TENM3: variants seen among roughly 807,000 people sequenced by gnomAD.
TENM3 encodes teneurin transmembrane protein 3.
Under a neutral mutation model 255.1 loss-of-function variants are expected in TENM3, and 63 were observed. The observed-to-expected ratio is 0.25, with a 90% confidence interval of 0.20 to 0.30. The LOEUF (loss-of-function observed/expected upper bound fraction) is 0.30, where lower values mean the gene tolerates loss of function less well. TENM3 is among the 10% of genes least tolerant of loss of function. The probability of loss-of-function intolerance (pLI) is 1.00; values close to 1 mark genes in which losing one functional copy is unlikely to be tolerated. For missense variants in TENM3, 2,929 were observed against 3,461.1 expected, an observed-to-expected ratio of 0.85 and a Z score of 3.86; for synonymous variants, 1,306 against 1,322.3, an observed-to-expected ratio of 0.99 and a Z score of 0.27.
chr4:182,701,599 A>C (rs930457649), intron 12 of TENM3, among the ~76,000 whole-genome samples: 2 of 152,176 alleles, frequency 1.3e-5, no homozygotes, highest in African/African-American at 2.4e-5. Context: ...GGTATAGATA[A>C]GGAAAAAAAT....
At chr4:181,693,010 A>G in the TENM3 span, among the ~76,000 whole-genome samples, 1 of 152,154 alleles carries the variant, frequency 6.6e-6, no homozygotes, top group Non-Finnish European at 1.5e-5. Flanking sequence ...TGGAGCCCCA[A>G]GGGATAGAAG....
At chr4:182,328,553 CTATGTT>C (rs1321447831) in intron 2 of TENM3, among the ~76,000 whole-genome samples, 1 of 151,772 alleles carries the variant, frequency 6.6e-6, no homozygotes, top group East Asian at 1.9e-4. Flanking sequence ...ACCGTGATAT[CTATGTT>C]TGTACGTTAC....
intron 6 of TENM3, among the ~76,000 whole-genome samples, chr4:182,656,945 G>C (rs976763478): frequency 6.6e-5 from 10 of 152,136 alleles, no homozygotes; most frequent in Admixed American, 3.9e-4. Flanking sequence ...TGAGTTATCA[G>C]AAGCGTAGGG....
chr4:181,946,734 C>G, the TENM3 span, among the ~76,000 whole-genome samples: 5 of 152,070 alleles, frequency 3.3e-5, no homozygotes, highest in Non-Finnish European at 7.4e-5. Flanking sequence ...GAGTTCTATT[C>G]TAAATGAATC....
At chr4:181,751,009 A>C in the TENM3 span, among the ~76,000 whole-genome samples, 1 of 152,198 alleles carries the variant, frequency 6.6e-6, no homozygotes, top group Non-Finnish European at 1.5e-5. Flanking sequence ...AGCATGCAAT[A>C]ATTTGTGAAA....
intron 1 of TENM3, among the ~76,000 whole-genome samples, chr4:182,256,105 G>A (rs1483875300): frequency 5.3e-5 from 8 of 152,160 alleles, no homozygotes; most frequent in South Asian, 2.1e-4. Flanking sequence ...GGTTCCAACC[G>A]TTGCAAAATG....
the TENM3 span, among the ~76,000 whole-genome samples, chr4:181,589,832 C>T: frequency 6.6e-6 from 1 of 152,168 alleles, no homozygotes; most frequent in Admixed American, 6.5e-5. Flanking sequence ...TTCTCTCAGC[C>T]TCAACTTCCT....
intron 2 of TENM3, among the ~76,000 whole-genome samples, chr4:182,335,625 G>T (rs959841926): frequency 6.6e-6 from 1 of 151,044 alleles, no homozygotes; most frequent in Non-Finnish European, 1.5e-5. Flanking sequence ...TAGTAGGGGA[G>T]AAATTTTGCA....
At chr4:181,793,556 G>A in the TENM3 span, among the ~76,000 whole-genome samples, 2 of 152,160 alleles carry the variant, frequency 1.3e-5, no homozygotes, top group Admixed American at 6.6e-5. Context: ...GGCTTTGAAG[G>A]CACAGTAGGG....
chr4:182,254,272 G>A (rs1046869101), intron 1 of TENM3, among the ~76,000 whole-genome samples: 1 of 151,666 alleles, frequency 6.6e-6, no homozygotes, highest in African/African-American at 2.4e-5. Flanking sequence ...CCCATGAGCC[G>A]TTCCATCTTC....
chr4:181,826,282 G>A, the TENM3 span, among the ~76,000 whole-genome samples: 132,120 of 151,840 alleles, frequency 0.87, 58,640 homozygotes, highest in Non-Finnish European at 0.96. Flanking sequence ...CGGAGAAAAA[G>A]TGGCCACTAG....
the TENM3 span, among the ~76,000 whole-genome samples, chr4:181,948,343 G>A: frequency 1.3e-5 from 2 of 152,098 alleles, no homozygotes; most frequent in Non-Finnish European, 2.9e-5. Context: ...GTAACCTTAA[G>A]AATAAGGAAA....
intron 1 of TENM3, among the ~76,000 whole-genome samples, chr4:182,267,989 A>T (rs1455918725): frequency 6.6e-6 from 1 of 152,206 alleles, no homozygotes; most frequent in Non-Finnish European, 1.5e-5. Flanking sequence ...GTTACTCAGA[A>T]GAGACAAGAG....
At chr4:182,182,242 A>G (rs1183970905) in intron 1 of TENM3, among the ~76,000 whole-genome samples, 2 of 152,168 alleles carry the variant, frequency 1.3e-5, no homozygotes, top group African/African-American at 4.8e-5. Flanking sequence ...AATCTCTTCT[A>G]TTATTCTATG....
chr4:181,792,083 A>G, the TENM3 span, among the ~76,000 whole-genome samples: 1 of 152,224 alleles, frequency 6.6e-6, no homozygotes, highest in African/African-American at 2.4e-5. Flanking sequence ...TAATAAACCC[A>G]TTCAAATAGT....
At chr4:182,327,909 C>T (rs1051174798) in intron 2 of TENM3, among the ~76,000 whole-genome samples, 3 of 152,170 alleles carry the variant, frequency 2.0e-5, no homozygotes, top group Non-Finnish European at 4.4e-5. Context: ...AACATTTTTC[C>T]TCTGCTGCAG....
At chr4:182,650,313 C>T (rs1230373049) in intron 5 of TENM3, among the ~76,000 whole-genome samples, 2 of 150,320 alleles carry the variant, frequency 1.3e-5, no homozygotes, top group South Asian at 2.2e-4. Context: ...CCAGCTTCTT[C>T]TTGCCACTGT....
the TENM3 span, among the ~76,000 whole-genome samples, chr4:182,007,452 T>C: frequency 6.6e-6 from 1 of 152,270 alleles, no homozygotes; most frequent in African/African-American, 2.4e-5. Context: ...TCTTCTTGTT[T>C]CATTGATCCC....
chr4:181,460,104 T>C, the TENM3 span, among the ~76,000 whole-genome samples: 1 of 151,942 alleles, frequency 6.6e-6, no homozygotes, highest in African/African-American at 2.4e-5. Context: ...TAGTATAAAT[T>C]CCATTATTAT....
Sources: allele counts gnomAD v4.1 joint callset (sites outside exome capture counted in the v4.1 genomes callset), GRCh38; gene constraint gnomAD v4.1.1; transcripts MANE v1.5; gene names NCBI Gene and HGNC (gene_info 2026-07-23, HGNC 2026-07-21).